Variants in SH3RF2 observed in about 807,000 individuals in gnomAD.
SH3RF2 encodes E3 ubiquitin-protein ligase SH3RF2.
SH3RF2 carries 43 observed loss-of-function variants against 59.0 expected under a neutral mutation model. The observed-to-expected ratio is 0.73, with a 90% CI of 0.57 to 0.94. The LOEUF is 0.94. Among genes scored for constraint, SH3RF2 ranks in the 40% least tolerant of loss-of-function variants. The pLI, the probability that SH3RF2 is intolerant of heterozygous loss-of-function variation, is 0.00. For missense variants in SH3RF2, 930 were observed against 940.1 expected, an observed-to-expected ratio of 0.99 and a Z score of 0.14; for synonymous variants, 391 against 391.5, an observed-to-expected ratio of 1.00 and a Z score of 0.01.
Position 146,017,005 on chromosome 5 carries a change from A to G in SH3RF2, c.1059+2944A>G, listed in dbSNP as rs918900919. Among the ~76,000 whole-genome samples the G allele has an allele frequency of 7.2e-5, 11 of 152,208 alleles. No individual in the cohort carries two copies. The South Asian group carries it at 2.3e-3, about 32-fold the overall frequency. ...AGAGACAAGTCTTGGATTGTCCCTC[A>G]AGTCTCAAACCCCAAGGGGTAGCAT... On this transcript the variant is annotated intron_variant, in intron 5 of 9. Transcript: ENST00000359120.
At chr5:146,056,371 T>C (rs1168500517) in intron 8 of SH3RF2, 158 bp downstream of exon 8, 12 of 1,255,778 alleles carry the variant, frequency 9.6e-6, no homozygotes, top group East Asian at 2.5e-5. Flanking sequence ...TTTTATTGAA[T>C]GAAGTCATAC....
chr5:146,073,633 T>C (rs1763280821), intron 9 of SH3RF2, among the ~76,000 whole-genome samples: 1 of 152,098 alleles, frequency 6.6e-6, no homozygotes, highest in Non-Finnish European at 1.5e-5. Context: ...TGGGCAAAAA[T>C]CAATGTCACT....
chr5:146,077,180 C>T (rs1017644827), intron 9 of SH3RF2, among the ~76,000 whole-genome samples: 1 of 152,146 alleles, frequency 6.6e-6, no homozygotes, highest in Non-Finnish European at 1.5e-5. Flanking sequence ...TGCAATCAAA[C>T]CACCTGCCCT....
intron 2 of SH3RF2, among the ~76,000 whole-genome samples, chr5:145,954,837 C>T (rs981952530): frequency 6.6e-6 from 1 of 151,912 alleles, no homozygotes; most frequent in Non-Finnish European, 1.5e-5. Flanking sequence ...TAGGAACAGA[C>T]ATGTCACATA....
At chr5:146,065,918 A>C (rs986882910), downstream of SH3RF2, among the ~76,000 whole-genome samples, 1 of 152,202 alleles carries the variant, frequency 6.6e-6, no homozygotes, top group Admixed American at 6.5e-5. Flanking sequence ...TGGCATCCCA[A>C]GTGCTGGGAT....
rs1308102161 is a variant in SH3RF2 at position 145,965,543 on chromosome 5, A to G, written c.378+27237A>G. Among the ~76,000 whole-genome samples, 5 of 152,312 alleles carry G rather than the reference A, an allele frequency of 3.3e-5. 1 individual carries two copies. The East Asian group carries it at 7.7e-4, about 23-fold the overall frequency. ...GAAAAAAAAGTTGAAGTTCAGTTAT[A>G]TTCATTTCAACGAACACTGCCTTTT... On this transcript the variant is annotated intron_variant, in intron 2 of 9. Transcript: ENST00000359120.
intron 5 of SH3RF2, among the ~76,000 whole-genome samples, chr5:146,018,157 G>A (rs1411249979): frequency 6.6e-6 from 1 of 152,022 alleles, no homozygotes; most frequent in Non-Finnish European, 1.5e-5. Context: ...TGGATGAATT[G>A]TATAGTGGTG....
exon 10 of SH3RF2, chr5:146,081,130 A>G (rs1763419817): frequency 6.6e-6 from 1 of 152,158 alleles, no homozygotes; most frequent in Admixed American, 6.5e-5. Flanking sequence ...AAACATACAG[A>G]ATATGTCTTC....
intron 9 of SH3RF2, among the ~76,000 whole-genome samples, chr5:146,061,435 G>C (rs933273526): frequency 6.6e-6 from 1 of 152,140 alleles, no homozygotes; most frequent in African/African-American, 2.4e-5. Context: ...CTAGGCCCCA[G>C]TTGCCCATTA....
chr5:146,028,098 G>A (rs1353786377), intron 5 of SH3RF2, among the ~76,000 whole-genome samples: 2 of 148,840 alleles, frequency 1.3e-5, no homozygotes, highest in East Asian at 2.0e-4. Flanking sequence ...ACATTTTAAT[G>A]TAGACACTAT....
chr5:145,982,886 G>C (rs966255915), intron 2 of SH3RF2, among the ~76,000 whole-genome samples: 1 of 152,172 alleles, frequency 6.6e-6, no homozygotes, highest in Non-Finnish European at 1.5e-5. Context: ...AGAGGGTGGA[G>C]TGTAGAAAGA....
intron 2 of SH3RF2, among the ~76,000 whole-genome samples, chr5:145,986,862 C>G (rs577889891): frequency 6.6e-6 from 1 of 152,310 alleles, no homozygotes; most frequent in East Asian, 1.9e-4. Context: ...ATAAGCAGCT[C>G]TTTCTCTGCC....
chr5:145,964,316 T>TTTC (rs1758776340), intron 2 of SH3RF2, among the ~76,000 whole-genome samples: 1 of 102,078 alleles, frequency 9.8e-6, no homozygotes, highest in East Asian at 3.5e-4. Flanking sequence ...TTCTTTCTTT[T>TTTC]TTTTTTTTTT....
At chr5:145,948,039 C>T (rs1211545788) in intron 2 of SH3RF2, among the ~76,000 whole-genome samples, 1 of 152,094 alleles carries the variant, frequency 6.6e-6, no homozygotes, top group African/African-American at 2.4e-5. Context: ...TACGAGAGCA[C>T]AGATGAAGAA....
At chr5:146,046,652 C>T (rs1361756625) in intron 5 of SH3RF2, among the ~76,000 whole-genome samples, 4 of 152,188 alleles carry the variant, frequency 2.6e-5, no homozygotes, top group East Asian at 3.9e-4. Flanking sequence ...TCCCTGCCCT[C>T]ATGGAATTTA....
intron 4 of SH3RF2, among the ~76,000 whole-genome samples, chr5:146,008,968 C>A (rs905609314): frequency 6.6e-6 from 1 of 152,176 alleles, no homozygotes; most frequent in Non-Finnish European, 1.5e-5. Context: ...GTAGTTCATT[C>A]CTTTTTGATG....
At chr5:146,035,918 G>A (rs1761921780) in intron 5 of SH3RF2, among the ~76,000 whole-genome samples, 1 of 152,154 alleles carries the variant, frequency 6.6e-6, no homozygotes, top group Non-Finnish European at 1.5e-5. Context: ...GATCCCCCAG[G>A]CCTAGCACGG....
Position 146,013,872 on chromosome 5 carries a change from G to A in SH3RF2, c.870G>A (p.Gly290=), listed in dbSNP as rs1375026394. 6.2e-6 allele frequency: 10 copies of A among 1,614,048 alleles called. 1 individual carries two copies. The Admixed American group carries it at 8.3e-5, about 13-fold the overall frequency. ...CGTCTACCCTCCGTAGGGGCCCAGG[G>A]TCCAGGAGGAAGGTGCCTGGGCAGT... ...GNTSTLRRGP[G]SRRKVPGQFS... is the part of the protein sequence containing the mutation. Residue 290 remains glycine (G), a synonymous_variant, in exon 5 of 10, where the codon GGG becomes GGA. Transcript: ENST00000359120.
intron 2 of SH3RF2, among the ~76,000 whole-genome samples, chr5:145,976,402 G>T (rs1759295690): frequency 6.7e-6 from 1 of 149,648 alleles, no homozygotes; most frequent in African/African-American, 2.5e-5. Context: ...AATAAATGAT[G>T]ACTTTTATTA....
Sources: allele counts gnomAD v4.1 joint callset (sites outside exome capture counted in the v4.1 genomes callset), GRCh38; gene constraint gnomAD v4.1.1; transcripts MANE v1.5; gene names NCBI Gene and HGNC (gene_info 2026-07-23, HGNC 2026-07-21).